WASF2: variants seen among roughly 807,000 people sequenced by gnomAD.
The protein encoded by WASF2 is WASP family member 2.
Under a neutral mutation model 45.0 loss-of-function variants are expected in WASF2, and 14 were observed. That is an observed-to-expected ratio of 0.31 (90% CI 0.21 to 0.49). The LOEUF (loss-of-function observed/expected upper bound fraction) is 0.49, where lower values mean the gene tolerates loss of function less well. WASF2 is among the 20% of genes least tolerant of loss of function. The pLI is 0.99. For synonymous variants in WASF2, 200 were observed against 236.3 expected, an observed-to-expected ratio of 0.85 and a Z score of 1.41; for missense variants, 439 against 636.1, an observed-to-expected ratio of 0.69 and a Z score of 3.33.
chr1:27,453,390 G>C (rs2017411832), intron 1 of WASF2, among the ~76,000 whole-genome samples: 1 of 151,902 alleles, frequency 6.6e-6, no homozygotes, highest in South Asian at 2.1e-4. Context: ...TCAGCAGTTT[G>C]AGACCAGCCT....
Position 27,406,861 on chromosome 1 carries a change from A to G in WASF2, c.*1328T>C, listed in dbSNP as rs1327336892. On this transcript the variant is annotated 3_prime_UTR_variant, in exon 9 of 9. Transcript: ENST00000618852. ...GCATGGCTGCCAGCCTGAGGGACTG[A>G]AGTTTCCACAGTTGGCAGAATCTTT... 1 of 152,206 alleles carries G rather than the reference A, an allele frequency of 6.6e-6. No homozygotes were observed. Among genetic ancestry groups the G allele is most frequent in the Non-Finnish European group, 1.5e-5 (1 of 68,044 alleles). The allele number at this position is 152,206 out of a possible 1,614,324, so 9.4% of individuals were successfully genotyped here.
chr1:27,476,057 C>T (rs1299712701), intron 1 of WASF2, among the ~76,000 whole-genome samples: 1 of 152,196 alleles, frequency 6.6e-6, no homozygotes, highest in African/African-American at 2.4e-5. Flanking sequence ...ACAGTAGGCA[C>T]TTAACACATC....
intron 1 of WASF2, among the ~76,000 whole-genome samples, chr1:27,476,598 A>C (rs767056512): frequency 2.0e-5 from 3 of 152,176 alleles, no homozygotes; most frequent in Admixed American, 6.6e-5. Flanking sequence ...AAAAAAAAAA[A>C]AACCTCTTCC....
chr1:27,481,954 T>C (rs963633174), intron 1 of WASF2, among the ~76,000 whole-genome samples: 1 of 152,190 alleles, frequency 6.6e-6, no homozygotes, highest in Non-Finnish European at 1.5e-5. Context: ...TATCTGAACA[T>C]TATTTCTTCA....
intron 8 of WASF2, among the ~76,000 whole-genome samples, chr1:27,409,118 T>C (rs1369714489): frequency 2.0e-5 from 3 of 151,744 alleles, no homozygotes; most frequent in Non-Finnish European, 4.4e-5. Context: ...ACTTCAAAGA[T>C]CCCAGCTTAA....
intron 1 of WASF2, among the ~76,000 whole-genome samples, chr1:27,472,647 C>T (rs149395109): frequency 9.4e-6 from 1 of 105,894 alleles, no homozygotes; most frequent in East Asian, 2.8e-4. Context: ...GAAACCCCGT[C>T]TCCAAAAAAA....
At chr1:27,489,656 G>T (rs1292581929) in intron 1 of WASF2, among the ~76,000 whole-genome samples, 1 of 152,174 alleles carries the variant, frequency 6.6e-6, no homozygotes, top group Non-Finnish European at 1.5e-5. Context: ...TTTACACAGG[G>T]GGTAAACTAA....
Position 27,409,928 on chromosome 1 carries a change from G to A in WASF2, c.1103C>T (p.Pro368Leu). ...HPDFAAPPPPPPPPAADYPTL... is the reference protein window; with the variant it reads ...HPDFAAPPPPLPPPAADYPTL... Reference sequence around the variant, plus strand: ...TGGGTAGTCAGCTGCTGGTGGTGGAGGAGGAGGTGGAGGGGCAGCAAAATC... The same window carrying A: ...TGGGTAGTCAGCTGCTGGTGGTGGAAGAGGAGGTGGAGGGGCAGCAAAATC... Residue 368 changes from proline to leucine, a missense_variant, in exon 8 of 9, where the codon CCT becomes CTT. Pro to Leu is a moderately conservative substitution (Grantham distance 98). Coordinates refer to ENST00000618852, the MANE Select transcript of WASF2 (RefSeq NM_006990.5). 1 of 1,601,324 alleles carries A rather than the reference G, an allele frequency of 6.2e-7. No homozygotes were observed. Among genetic ancestry groups the A allele is most frequent in the Non-Finnish European group, 8.5e-7 (1 of 1,173,164 alleles).
At chr1:27,477,618 G>A (rs1026087919) in intron 1 of WASF2, among the ~76,000 whole-genome samples, 3 of 104,246 alleles carry the variant, frequency 2.9e-5, no homozygotes, top group African/African-American at 1.1e-4. Flanking sequence ...TAAATAAATC[G>A]GCCGGGCGCG....
intron 1 of WASF2, among the ~76,000 whole-genome samples, chr1:27,480,613 G>C (rs916828980): frequency 3.3e-5 from 5 of 152,182 alleles, no homozygotes; most frequent in Non-Finnish European, 5.9e-5. Context: ...GGAGGAAGGA[G>C]AGGAGGTTTC....
At chr1:27,420,532 T>TTC (rs2016892064) in intron 2 of WASF2, among the ~76,000 whole-genome samples, 1 of 146,388 alleles carries the variant, frequency 6.8e-6, no homozygotes, top group Non-Finnish European at 1.5e-5. Flanking sequence ...TTTTTTTTTT[T>TTC]TTTTTTGAGA....
intron 1 of WASF2, among the ~76,000 whole-genome samples, chr1:27,468,719 C>A (rs2017649281): frequency 6.6e-6 from 1 of 150,810 alleles, no homozygotes; most frequent in African/African-American, 2.4e-5. Flanking sequence ...GTGGTTCACG[C>A]CTGTAATCCC....
Position 27,416,036 on chromosome 1 carries a change from C to T in WASF2, c.486G>A (p.Glu162=). The T allele has an allele frequency of 6.2e-7, 1 of 1,614,138 alleles. No homozygotes were observed. The highest frequency in any genetic ancestry group is 1.1e-5 in the South Asian group (1 of 91,084). Residue 162 remains glutamate, a synonymous_variant, in exon 5 of 9, where the codon GAG becomes GAA. Transcript: ENST00000618852. ...DPSYFFDLWK[E]KMLQDTKDIM... ...TATCCTTGGTGTCCTGCAGCATCTT[C>T]TCCTTCCAAAGATCAAAGAAGTATG... is the stretch of plus-strand genomic sequence containing the variant.
At chr1:27,413,308 G>A (rs146087242) in intron 6 of WASF2, among the ~76,000 whole-genome samples, 9 of 152,296 alleles carry the variant, frequency 5.9e-5, no homozygotes, top group Non-Finnish European at 1.0e-4. Flanking sequence ...TAGCGTGCTA[G>A]GGCTTGTCTC....
At chr1:27,419,714 A>T (rs1320501209) in intron 2 of WASF2, among the ~76,000 whole-genome samples, 1 of 152,208 alleles carries the variant, frequency 6.6e-6, no homozygotes, top group Non-Finnish European at 1.5e-5. Context: ...AGTTCAGAGG[A>T]CGTTCTACGT....
rs1480866797 is a variant in WASF2 at position 27,404,330 on chromosome 1, TGTG to T, written c.*3856_*3858del. ...AACCTTCAGGTCAGTGGGGCACAAA[TGTG>T]GTATACACACGATGAGCCTGGCAGG... is the stretch of plus-strand genomic sequence containing the variant. On this transcript the variant is annotated 3_prime_UTR_variant, in exon 9 of 9. Coordinates refer to ENST00000618852, the MANE Select transcript of WASF2 (RefSeq NM_006990.5). 2 of 152,260 alleles carry T rather than the reference TGTG, an allele frequency of 1.3e-5. No homozygotes were observed. The highest frequency in any genetic ancestry group is 2.9e-5 in the Non-Finnish European group (2 of 68,052). The allele number at this position is 152,260 out of a possible 1,614,324, so 9.4% of individuals were successfully genotyped here.
At chr1:27,428,090 A>G (rs2017012084) in intron 2 of WASF2, among the ~76,000 whole-genome samples, 1 of 152,220 alleles carries the variant, frequency 6.6e-6, no homozygotes, top group African/African-American at 2.4e-5. Flanking sequence ...GCTAACCCCC[A>G]TCTTCCTCCT....
At chr1:27,483,285 C>T (rs188764368) in intron 1 of WASF2, among the ~76,000 whole-genome samples, 1 of 152,156 alleles carries the variant, frequency 6.6e-6, no homozygotes, top group East Asian at 1.9e-4. Flanking sequence ...GCCTGACCAA[C>T]ACGGTGAAAC....
At chr1:27,441,306 A>G (rs1364845551) in intron 1 of WASF2, among the ~76,000 whole-genome samples, 100 of 151,390 alleles carry the variant, frequency 6.6e-4, no homozygotes, top group Non-Finnish European at 1.3e-4. Flanking sequence ...CAGCCTGGGC[A>G]AAATGACAAG....
Sources: allele counts gnomAD v4.1 joint callset (sites outside exome capture counted in the v4.1 genomes callset), GRCh38; gene constraint gnomAD v4.1.1; transcripts MANE v1.5; gene names NCBI Gene and HGNC (gene_info 2026-07-23, HGNC 2026-07-21).